The following PAK1 variants were observed in gnomAD, a reference collection of about 807,000 sequenced individuals.
PAK1 encodes serine/threonine-protein kinase PAK 1.
In PAK1, 29 loss-of-function variants were observed where a neutral mutation model predicts 67.4. The ratio of observed to expected loss-of-function variants is 0.43; its 90% CI spans 0.32 to 0.59. PAK1 has a LOEUF of 0.59. Among genes scored for constraint, PAK1 ranks in the 20% least tolerant of loss-of-function variants. The probability of loss-of-function intolerance (pLI) is 0.07; values close to 1 mark genes in which losing one functional copy is unlikely to be tolerated. For missense variants in PAK1, 337 were observed against 670.7 expected, an observed-to-expected ratio of 0.50 and a Z score of 5.50; for synonymous variants, 223 against 237.4, an observed-to-expected ratio of 0.94 and a Z score of 0.56.
the PAK1 span, among the ~76,000 whole-genome samples, chr11:77,501,797 C>T: frequency 2.3e-4 from 35 of 152,222 alleles, no homozygotes; most frequent in African/African-American, 8.2e-4. Context: ...GGGAAAGCTC[C>T]AGTCCCTGAA....
chr11:77,349,511 CTACCTAG>C, intron 8 of PAK1: 1 of 534,954 alleles, frequency 1.9e-6, no homozygotes, highest in South Asian at 2.3e-5. Flanking sequence ...CCTGGTACTT[CTACCTAG>C]TACCTACTAG....
At chr11:77,457,474 G>A (rs923493142) in intron 1 of PAK1, among the ~76,000 whole-genome samples, 2 of 152,178 alleles carry the variant, frequency 1.3e-5, no homozygotes, top group South Asian at 4.1e-4. Flanking sequence ...GGGACCGTGT[G>A]CTTCCATGGG....
the PAK1 span, among the ~76,000 whole-genome samples, chr11:77,510,761 A>C: frequency 6.6e-6 from 1 of 152,216 alleles, no homozygotes; most frequent in Non-Finnish European, 1.5e-5. Context: ...TCTATCTTGC[A>C]CTGTGAGGTC....
intron 1 of PAK1, among the ~76,000 whole-genome samples, chr11:77,437,487 C>T (rs1031760079): frequency 1.3e-5 from 2 of 151,918 alleles, no homozygotes; most frequent in African/African-American, 4.8e-5. Context: ...TTTAGCTGTC[C>T]CCACAATTCA....
At chr11:77,355,898 C>T in intron 6 of PAK1, 56 bp from the exon 7 acceptor site, 2 of 1,125,170 alleles carry the variant, frequency 1.8e-6, no homozygotes, top group Middle Eastern at 2.0e-4. Context: ...ATAGGGGAAC[C>T]TCTCCTAGAT....
the PAK1 span, among the ~76,000 whole-genome samples, chr11:77,495,183 T>A: frequency 2.7e-5 from 4 of 145,892 alleles, no homozygotes; most frequent in African/African-American, 1.1e-4. Context: ...AATTTTTTTT[T>A]AAATTAGAGG....
intron 1 of PAK1, among the ~76,000 whole-genome samples, chr11:77,469,721 T>A (rs2135559639): frequency 6.6e-6 from 1 of 150,866 alleles, no homozygotes; most frequent in Admixed American, 6.6e-5. Flanking sequence ...GCATAGAAAA[T>A]GACCCAGAAG....
chr11:77,364,014 G>A (rs1947156132), intron 5 of PAK1, among the ~76,000 whole-genome samples: 1 of 152,240 alleles, frequency 6.6e-6, no homozygotes, highest in African/African-American at 2.4e-5. Context: ...CAATGCCCAG[G>A]CCCAGTGGCA....
chr11:77,431,597 T>C (rs79764191), intron 1 of PAK1, among the ~76,000 whole-genome samples: 1 of 152,132 alleles, frequency 6.6e-6, no homozygotes, highest in African/African-American at 2.4e-5. Context: ...GAGATGAGAG[T>C]GCAGTTAAGG....
the PAK1 span, among the ~76,000 whole-genome samples, chr11:77,500,600 C>A: frequency 6.6e-6 from 1 of 152,130 alleles, no homozygotes; most frequent in African/African-American, 2.4e-5. Flanking sequence ...AATCTCAGCA[C>A]TTTGGGAAGC....
intron 6 of PAK1, among the ~76,000 whole-genome samples, chr11:77,357,201 C>T (rs938221590): frequency 6.6e-6 from 1 of 152,158 alleles, no homozygotes; most frequent in Non-Finnish European, 1.5e-5. Flanking sequence ...AACAGTGGGA[C>T]TCAAACCCAT....
intron 8 of PAK1, 30 bp from the exon 9 acceptor site, chr11:77,349,317 A>G (rs1207903942): frequency 3.9e-6 from 6 of 1,551,720 alleles, no homozygotes; most frequent in Non-Finnish European, 5.3e-6. Context: ...AGAAAGAGGG[A>G]AAAAAACACA....
chr11:77,377,545 C>T (rs1949260865), intron 4 of PAK1, among the ~76,000 whole-genome samples: 1 of 152,150 alleles, frequency 6.6e-6, no homozygotes, highest in South Asian at 2.1e-4. Flanking sequence ...AATGAACATA[C>T]ACATAATTAC....
At chr11:77,468,232 C>T (rs1443599476) in intron 1 of PAK1, among the ~76,000 whole-genome samples, 1 of 152,152 alleles carries the variant, frequency 6.6e-6, no homozygotes, top group Non-Finnish European at 1.5e-5. Flanking sequence ...CTAACTCTGA[C>T]TCCAGGAACA....
chr11:77,482,271 G>C, the PAK1 span, among the ~76,000 whole-genome samples: 1 of 78,060 alleles, frequency 1.3e-5, no homozygotes. Flanking sequence ...TTACTGGCGT[G>C]AGCCACCACG....
chr11:77,502,130 T>A, the PAK1 span, among the ~76,000 whole-genome samples: 1 of 152,276 alleles, frequency 6.6e-6, no homozygotes. Context: ...TAATTGAGAC[T>A]ATACTGTAAA....
intron 2 of PAK1, among the ~76,000 whole-genome samples, chr11:77,380,869 C>A (rs1949717101): frequency 1.3e-5 from 2 of 152,150 alleles, no homozygotes; most frequent in African/African-American, 4.8e-5. Flanking sequence ...TTTAAAGAAT[C>A]TGCCTAAGAC....
the PAK1 span, among the ~76,000 whole-genome samples, chr11:77,507,675 C>G: frequency 2.6e-5 from 4 of 152,110 alleles, no homozygotes; most frequent in Admixed American, 2.6e-4. Context: ...GTGCACACCA[C>G]CAAACTATTT....
chr11:77,382,772 C>T (rs573467364), intron 2 of PAK1, among the ~76,000 whole-genome samples: 7 of 152,130 alleles, frequency 4.6e-5, no homozygotes, highest in African/African-American at 1.2e-4. Context: ...CTGAAGCAGG[C>T]GGATCACTTG....
Sources: gnomAD v4.1 joint callset for allele counts (sites outside exome capture counted in the v4.1 genomes callset) on GRCh38, gnomAD v4.1.1 for gene constraint, MANE v1.5 for transcripts, NCBI Gene and HGNC (gene_info 2026-07-23, HGNC 2026-07-21) for gene names.